Variants in TMEM132D observed in about 807,000 individuals in gnomAD.
TMEM132D encodes transmembrane protein 132D.
A neutral mutation model predicts 62.3 loss-of-function variants in TMEM132D; 21 were observed. The observed-to-expected ratio is 0.34, with a 90% CI of 0.24 to 0.49. The LOEUF (loss-of-function observed/expected upper bound fraction) is 0.49. Ranked by LOEUF, TMEM132D falls within the 20% of genes least tolerant of loss-of-function variation. The pLI, the probability that TMEM132D is intolerant of heterozygous loss-of-function variation, is 0.99. For missense variants in TMEM132D, 1,346 were observed against 1,402.8 expected, an observed-to-expected ratio of 0.96 and a Z score of 0.65; for synonymous variants, 621 against 575.6, an observed-to-expected ratio of 1.08 and a Z score of -1.13.
chr12:129,565,510 T>C (rs1323053491), intron 2 of TMEM132D, among the ~76,000 whole-genome samples: 2 of 152,202 alleles, frequency 1.3e-5, no homozygotes, highest in Non-Finnish European at 2.9e-5. Flanking sequence ...ATGAGGCAGG[T>C]GCAAGCCCCT....
chr12:129,274,404 C>A (rs1178784725), intron 4 of TMEM132D, among the ~76,000 whole-genome samples: 4 of 152,160 alleles, frequency 2.6e-5, no homozygotes, highest in African/African-American at 7.2e-5. Flanking sequence ...GGTCTTCTCT[C>A]CCCGATTCCA....
At chr12:129,672,308 C>T (rs990925542) in intron 2 of TMEM132D, among the ~76,000 whole-genome samples, 7 of 152,296 alleles carry the variant, frequency 4.6e-5, no homozygotes, top group South Asian at 2.1e-4. Context: ...CATAACCCTG[C>T]GCACTCTCAT....
intron 2 of TMEM132D, among the ~76,000 whole-genome samples, chr12:129,584,420 C>T (rs368770373): frequency 6.6e-6 from 1 of 152,182 alleles, no homozygotes; most frequent in Non-Finnish European, 1.5e-5. Context: ...CATAATTTGC[C>T]ACTTTCACGA....
intron 4 of TMEM132D, among the ~76,000 whole-genome samples, chr12:129,267,046 A>C (rs978173550): frequency 6.6e-6 from 1 of 152,122 alleles, no homozygotes; most frequent in African/African-American, 2.4e-5. Context: ...AGCAAGCCCC[A>C]CAATCAAGCC....
intron 2 of TMEM132D, among the ~76,000 whole-genome samples, chr12:129,673,888 T>C (rs1287039101): frequency 1.3e-5 from 2 of 152,180 alleles, no homozygotes; most frequent in Non-Finnish European, 2.9e-5. Context: ...GATGGAAACC[T>C]TCTGTGAAAA....
chr12:129,268,970 G>C (rs1437657339), intron 4 of TMEM132D, among the ~76,000 whole-genome samples: 2 of 140,300 alleles, frequency 1.4e-5, no homozygotes, highest in Non-Finnish European at 3.0e-5. Flanking sequence ...ATTGAACAGT[G>C]AGAACACATG....
At chr12:129,536,413 ATT>A (rs75790523) in intron 2 of TMEM132D, among the ~76,000 whole-genome samples, 2 of 151,946 alleles carry the variant, frequency 1.3e-5, no homozygotes, top group Non-Finnish European at 2.9e-5. Context: ...AATAAGCTTC[ATT>A]TTTTTTATAG....
At position 129,549,320 on chromosome 12, in the gene TMEM132D, A is replaced by G. The variant is rs1202894058; in HGVS notation, c.969-18115T>C. The stretch of plus-strand genomic sequence containing the variant: ...TGAAATTCACTTCCTGATATGGTTT[A>G]GCTGTGTCCCCACCCAAATCTCATC... On this transcript the variant is annotated intron_variant, in intron 2 of 8. Transcript: ENST00000422113. Among the ~76,000 whole-genome samples the G allele has an allele frequency of 5.6e-3, 686 of 123,234 alleles. No homozygotes were observed. In the Middle Eastern group the frequency reaches 0.075, roughly 13 times the overall value. The allele number at this position is 123,234 out of a possible 152,430, so 80.8% of individuals were successfully genotyped here.
At chr12:129,210,584 C>T (rs1879009811) in intron 4 of TMEM132D, among the ~76,000 whole-genome samples, 1 of 152,202 alleles carries the variant, frequency 6.6e-6, no homozygotes, top group Non-Finnish European at 1.5e-5. Flanking sequence ...ATGTCCTGAA[C>T]CTTTCCCCTT....
chr12:129,672,644 C>A (rs1160447381), intron 2 of TMEM132D, among the ~76,000 whole-genome samples: 3 of 152,160 alleles, frequency 2.0e-5, no homozygotes, highest in African/African-American at 7.2e-5. Flanking sequence ...TGAGATTACA[C>A]GATTTAAGAG....
chr12:129,614,971 G>A (rs1878875767), intron 2 of TMEM132D, among the ~76,000 whole-genome samples: 1 of 152,076 alleles, frequency 6.6e-6, no homozygotes, highest in South Asian at 2.1e-4. Context: ...CCTGCATTCC[G>A]GTATTTATAT....
chr12:129,629,320 A>G (rs1397779753), intron 2 of TMEM132D, among the ~76,000 whole-genome samples: 1 of 152,206 alleles, frequency 6.6e-6, no homozygotes, highest in African/African-American at 2.4e-5. Flanking sequence ...GGCACTTTCC[A>G]GAATTATAAT....
At chr12:129,209,024 T>C (rs1171204385) in intron 5 of TMEM132D, 1 of 152,926 alleles carries the variant, frequency 6.5e-6, no homozygotes, top group Non-Finnish European at 1.5e-5. Context: ...TGGAGAATGA[T>C]TTCCTCTTCC....
At chr12:129,359,935 CTTAAT>C (rs796847863) in intron 3 of TMEM132D, among the ~76,000 whole-genome samples, 3 of 146,218 alleles carry the variant, frequency 2.1e-5, no homozygotes, top group African/African-American at 8.0e-5. Flanking sequence ...ACAAAATAAT[CTTAAT>C]TTAAACAGGA....
intron 1 of TMEM132D, among the ~76,000 whole-genome samples, chr12:129,740,795 TATG>T (rs1593142986): frequency 1.3e-5 from 2 of 152,332 alleles, no homozygotes; most frequent in South Asian, 4.1e-4. Context: ...AGGGTAATTC[TATG>T]ATAAGATGAT....
At chr12:129,556,978 A>G (rs1312183433) in intron 2 of TMEM132D, among the ~76,000 whole-genome samples, 1 of 152,230 alleles carries the variant, frequency 6.6e-6, no homozygotes, top group Non-Finnish European at 1.5e-5. Flanking sequence ...AATTTTCAGT[A>G]TATTGTAACT....
At chr12:129,543,989 G>C (rs1876663737) in intron 2 of TMEM132D, among the ~76,000 whole-genome samples, 2 of 152,122 alleles carry the variant, frequency 1.3e-5, no homozygotes, top group Admixed American at 1.3e-4. Flanking sequence ...TATATGTGTA[G>C]GATAAATTCT....
At chr12:129,535,795 T>C (rs1232265059) in intron 2 of TMEM132D, among the ~76,000 whole-genome samples, 1 of 151,462 alleles carries the variant, frequency 6.6e-6, no homozygotes, top group Non-Finnish European at 1.5e-5. Flanking sequence ...TGTGTGTGTG[T>C]GTGTGTGTGT....
intron 1 of TMEM132D, among the ~76,000 whole-genome samples, chr12:129,883,706 C>T (rs1056183432): frequency 5.3e-5 from 8 of 152,152 alleles, no homozygotes; most frequent in Non-Finnish European, 1.2e-4. Context: ...CAGAGACACA[C>T]ATGGGGGAAC....
Sources: allele counts gnomAD v4.1 joint callset (sites outside exome capture counted in the v4.1 genomes callset), GRCh38; gene constraint gnomAD v4.1.1; transcripts MANE v1.5; gene names NCBI Gene and HGNC (gene_info 2026-07-23, HGNC 2026-07-21).